Variants in FGF13 observed in about 807,000 individuals in gnomAD.
FGF13 encodes fibroblast growth factor 13, also known as fibroblast growth factor homologous factor 2.
In FGF13, 2 loss-of-function variants were observed where a neutral mutation model predicts 19.5. The ratio of observed to expected loss-of-function variants is 0.10; its 90% CI spans 0.04 to 0.32. FGF13 has a LOEUF of 0.32. FGF13 is among the 10% of genes least tolerant of loss of function. The probability of loss-of-function intolerance (pLI) is 1.00; values close to 1 mark genes in which losing one functional copy is unlikely to be tolerated. For missense variants in FGF13, 113 were observed against 192.7 expected (o/e 0.59, Z 2.45); for synonymous variants, 72 against 76.9 (o/e 0.94, Z 0.33).
chrX:138,971,667 A>C (rs754507329), intron 1 of FGF13, among the ~76,000 whole-genome samples: 2 of 111,863 alleles, frequency 1.8e-5, no homozygotes, highest in South Asian at 7.5e-4. Context: ...ATTGTGTAAA[A>C]GTCAAATCAG....
intron 3 of FGF13, among the ~76,000 whole-genome samples, chrX:138,652,068 C>T (rs1047583183): frequency 8.9e-6 from 1 of 111,951 alleles, no homozygotes; most frequent in Non-Finnish European, 1.9e-5. Flanking sequence ...ACCACTACTA[C>T]GTCTTTGATC....
chrX:139,078,554 C>T (rs758916432), intron 1 of FGF13, among the ~76,000 whole-genome samples: 1 of 112,891 alleles, frequency 8.9e-6, no homozygotes, highest in Non-Finnish European at 1.9e-5. Context: ...AATCAAGAAG[C>T]AACTACTGTC....
intron 1 of FGF13, among the ~76,000 whole-genome samples, chrX:139,015,382 C>T (rs745385934): frequency 9.0e-6 from 1 of 110,724 alleles, no homozygotes; most frequent in African/African-American, 3.3e-5. Context: ...TTGCAGGATA[C>T]AAAGTCAACA....
chrX:138,791,736 T>C (rs1317292555), intron 3 of FGF13, among the ~76,000 whole-genome samples: 2 of 112,052 alleles, frequency 1.8e-5, no homozygotes, highest in East Asian at 2.8e-4. Context: ...ATGAACATCA[T>C]TGGAAAAACT....
chrX:138,637,263 G>A (rs1004984021), intron 3 of FGF13, among the ~76,000 whole-genome samples: 3 of 112,348 alleles, frequency 2.7e-5, no homozygotes, highest in African/African-American at 9.7e-5. Context: ...CATAGAGAAA[G>A]CCAAGAAAGT....
chrX:139,187,135 A>C (rs1280412183), intron 1 of FGF13, among the ~76,000 whole-genome samples: 3 of 112,903 alleles, frequency 2.7e-5, no homozygotes, highest in Non-Finnish European at 5.6e-5. Flanking sequence ...TTGAATGAAT[A>C]AATGGTATGA....
At chrX:138,662,890 G>A (rs987662671) in intron 3 of FGF13, among the ~76,000 whole-genome samples, 2 of 111,375 alleles carry the variant, frequency 1.8e-5, no homozygotes, top group East Asian at 5.7e-4. Flanking sequence ...AAGATTTGGG[G>A]TGTTTCTTTG....
chrX:138,636,457 GAAAC>G (rs1280694164), intron 3 of FGF13, among the ~76,000 whole-genome samples: 353 of 111,424 alleles, frequency 3.2e-3, no homozygotes, highest in African/African-American at 0.011. Context: ...CCATTTCAAG[GAAAC>G]AAACAAACAA....
chrX:139,187,671 A>C (rs2084292868), intron 1 of FGF13, among the ~76,000 whole-genome samples: 1 of 112,188 alleles, frequency 8.9e-6, no homozygotes. Context: ...TTTTGTTCAC[A>C]ATCAGCATTT....
chrX:139,151,993 G>T (rs1403468342), intron 1 of FGF13, among the ~76,000 whole-genome samples: 1 of 111,187 alleles, frequency 9.0e-6, no homozygotes, highest in Non-Finnish European at 1.9e-5. Flanking sequence ...GTCCAGAAAG[G>T]CTCCTTAGGG....
At chrX:139,130,825 A>G (rs1015976430) in intron 1 of FGF13, among the ~76,000 whole-genome samples, 10 of 112,187 alleles carry the variant, frequency 8.9e-5, no homozygotes, top group South Asian at 3.7e-4. Flanking sequence ...TGCCAAATAA[A>G]TTATCCAAGA....
intron 3 of FGF13, among the ~76,000 whole-genome samples, chrX:138,762,901 C>G (rs1371706841): frequency 9.0e-6 from 1 of 111,420 alleles, no homozygotes; most frequent in Non-Finnish European, 1.9e-5. Flanking sequence ...TTGGGAAGCC[C>G]AGGAATGCTG....
intron 1 of FGF13, among the ~76,000 whole-genome samples, chrX:139,141,485 C>T (rs1257433931): frequency 2.7e-5 from 3 of 111,745 alleles, no homozygotes; most frequent in South Asian, 3.8e-4. Context: ...AATCCAGCAC[C>T]GTCTTATCCA....
chrX:138,795,458 T>G (rs1190089260), intron 3 of FGF13, among the ~76,000 whole-genome samples: 1 of 112,000 alleles, frequency 8.9e-6, no homozygotes, highest in East Asian at 2.8e-4. Flanking sequence ...CTGTCATGGT[T>G]GATTGGCAGA....
At chrX:138,778,462 C>A (rs2090607940) in intron 3 of FGF13, among the ~76,000 whole-genome samples, 1 of 111,992 alleles carries the variant, frequency 8.9e-6, no homozygotes, top group Admixed American at 9.4e-5. Flanking sequence ...GTGCAGCACA[C>A]CGTGCGCGAG....
chrX:139,185,747 T>C (rs184434535), intron 1 of FGF13, among the ~76,000 whole-genome samples: 8 of 112,151 alleles, frequency 7.1e-5, no homozygotes, highest in African/African-American at 2.3e-4. Context: ...TAAATGATTA[T>C]GCTTAAAAGC....
At chrX:139,105,846 A>G (rs1403175748) in intron 1 of FGF13, among the ~76,000 whole-genome samples, 4 of 112,322 alleles carry the variant, frequency 3.6e-5, no homozygotes, top group African/African-American at 9.7e-5. Context: ...TAGAATTGAT[A>G]GATTAGAAGA....
intron 1 of FGF13, among the ~76,000 whole-genome samples, chrX:138,881,294 ATTTG>A (rs1176120373): frequency 9.0e-6 from 1 of 111,469 alleles, no homozygotes; most frequent in East Asian, 2.8e-4. Flanking sequence ...ATTTTGCTCT[ATTTG>A]TTTATTATCT....
intron 3 of FGF13, among the ~76,000 whole-genome samples, chrX:138,636,627 C>T (rs2089188174): frequency 8.9e-6 from 1 of 111,809 alleles, no homozygotes; most frequent in African/African-American, 3.3e-5. Flanking sequence ...AGCAAAGGGC[C>T]TACTTGGAGT....
Sources: allele counts gnomAD v4.1 joint callset (sites outside exome capture counted in the v4.1 genomes callset), GRCh38; gene constraint gnomAD v4.1.1; transcripts MANE v1.5; gene names NCBI Gene and HGNC (gene_info 2026-07-23, HGNC 2026-07-21).